TSPAN16: variants seen among roughly 807,000 people sequenced by gnomAD.
TSPAN16 encodes the protein tetraspanin-16.
In TSPAN16, 23 loss-of-function variants were observed where a neutral mutation model predicts 25.2. That is an observed-to-expected ratio of 0.91 (90% CI 0.66 to 1.29). The LOEUF (loss-of-function observed/expected upper bound fraction) is 1.29, where lower values mean the gene tolerates loss of function less well. Ranked by LOEUF, TSPAN16 falls within the 50% of genes most tolerant of loss-of-function variation. The pLI is 0.00. For missense variants in TSPAN16, 272 were observed against 299.9 expected (o/e 0.91, Z 0.69); for synonymous variants, 123 against 124.4 (o/e 0.99, Z 0.08).
intron 6 of TSPAN16, chr19:11,323,452 G>A (rs1216486089): frequency 6.6e-6 from 1 of 151,980 alleles, no homozygotes; most frequent in Non-Finnish European, 1.5e-5. Context: ...TTAGCCGGGT[G>A]TGGTGGCAGG....
chr19:11,298,945 T>C lies in TSPAN16; in HGVS notation c.341T>C (p.Ile114Thr), dbSNP rs1363433978. 1 of 1,613,816 alleles carries C rather than the reference T, an allele frequency of 6.2e-7. No homozygotes were observed. The highest frequency in any genetic ancestry group is 2.2e-5 in the East Asian group (1 of 44,858). Reference protein sequence around the residue: ...AATVVLLFFPIVGDVALEHTF... With the variant: ...AATVVLLFFPTVGDVALEHTF... ...ACAGTGGTCCTTCTTTTCTTTCCAA[T>C]TGTAAGTACAGCCCTGCTCCTCCCA... Residue 114 changes from isoleucine (I) to threonine (T), a missense_variant and splice_region_variant, in exon 3 of 7, where the codon ATT (isoleucine) becomes ACT (threonine). By Grantham distance (89) the Ile-to-Thr change is moderately conservative (BLOSUM62 -1). Coordinates refer to ENST00000590327, the MANE Select transcript of TSPAN16 (RefSeq NM_001282509.2).
intron 6 of TSPAN16, chr19:11,321,202 A>C (rs1023640571): frequency 6.6e-6 from 1 of 151,918 alleles, no homozygotes; most frequent in Non-Finnish European, 1.5e-5. Flanking sequence ...CCAAAAAAAC[A>C]TAAGAGGTTT....
intron 4 of TSPAN16, 80 bp from the exon 5 acceptor site, chr19:11,306,524 C>T (rs322151): frequency 0.26 from 399,169 of 1,535,990 alleles, 52,580 homozygotes; most frequent in Admixed American, 0.32. Flanking sequence ...CCATACTAGA[C>T]GGTAGCCATG....
intron 4 of TSPAN16, among the ~76,000 whole-genome samples, chr19:11,302,681 ACACACACAC>A (rs2080574863): frequency 8.1e-6 from 1 of 122,916 alleles, no homozygotes; most frequent in African/African-American, 3.7e-5. Context: ...ATATATATAC[ACACACACAC>A]ACACACACAC....
At chr19:11,302,680 C>CACACACATATATATATATATATATAT in intron 4 of TSPAN16, among the ~76,000 whole-genome samples, 2 of 122,284 alleles carry the variant, frequency 1.6e-5, no homozygotes, top group East Asian at 4.6e-4. Flanking sequence ...TATATATATA[C>CACACACATATATATATATATATATAT]ACACACACAC....
downstream of TSPAN16, among the ~76,000 whole-genome samples, chr19:11,317,576 C>G (rs2080755703): frequency 6.6e-6 from 1 of 151,666 alleles, no homozygotes; most frequent in Admixed American, 6.6e-5. Flanking sequence ...CTCACTGCAA[C>G]CTCAGCCTTC....
chr19:11,310,180 G>A (rs1190013781), intron 5 of TSPAN16, among the ~76,000 whole-genome samples: 1 of 152,004 alleles, frequency 6.6e-6, no homozygotes, highest in Non-Finnish European at 1.5e-5. Context: ...CAAGCCTCCA[G>A]AGGTGAGATG....
rs148577610 is a variant in TSPAN16, at chr19:11,296,202, G to A, written c.-96G>A. On this transcript the variant is annotated 5_prime_UTR_variant, in exon 1 of 7. Transcript: ENST00000590327. The stretch of plus-strand genomic sequence containing the variant: ...AGGGGCAGAGCAAGTCAGCATTGGC[G>A]CCCCTTCCTCAGATCCCTATCATCT... 18 of 1,323,752 alleles carry A rather than the reference G, an allele frequency of 1.4e-5. No homozygotes were observed. In the South Asian group the frequency reaches 1.4e-4, roughly 10 times the overall value. The allele number at this position is 1,323,752 out of a possible 1,614,324, so 82.0% of individuals were successfully genotyped here. A position where few individuals can be genotyped will look rare whatever the true frequency, so the allele number is the denominator to read the frequency against.
At chr19:11,317,641 T>C (rs896097733), downstream of TSPAN16, among the ~76,000 whole-genome samples, 6 of 151,510 alleles carry the variant, frequency 4.0e-5, no homozygotes, top group Non-Finnish European at 8.8e-5. Flanking sequence ...ATTACAGGCA[T>C]GTGCCACCAT....
downstream of TSPAN16, chr19:11,316,086 G>GGTGTGTGTGTGTGT (rs147500274): frequency 0.012 from 3,072 of 257,472 alleles, 164 homozygotes; most frequent in African/African-American, 0.086. Context: ...AATTATTCTT[G>GGTGTGTGTGTGTGT]GTGTGTGTGT....
chr19:11,308,561 C>G (rs978374465), intron 5 of TSPAN16, among the ~76,000 whole-genome samples: 1 of 151,964 alleles, frequency 6.6e-6, no homozygotes, highest in African/African-American at 2.4e-5. Context: ...AGCTCTGCCT[C>G]CCAGGTTCAT....
At chr19:11,301,072 T>A in intron 3 of TSPAN16, 129 bp from the exon 4 acceptor site, 1 of 707,658 alleles carries the variant, frequency 1.4e-6, no homozygotes, top group Non-Finnish European at 2.5e-6. Flanking sequence ...ACCCCTGAGC[T>A]GAGGGTAGGA....
chr19:11,297,955 T>G (rs1461332333), intron 1 of TSPAN16, among the ~76,000 whole-genome samples, 187 bp from the exon 2 acceptor site: 1 of 56,680 alleles, frequency 1.8e-5, no homozygotes, highest in Non-Finnish European at 3.1e-5. Context: ...CTACTGGCTA[T>G]TTTTTTTTTG....
downstream of TSPAN16, chr19:11,316,112 TGTGTGG>T: frequency 3.0e-6 from 1 of 330,108 alleles, no homozygotes; most frequent in African/African-American, 2.4e-5. Context: ...TGTGTGTGTG[TGTGTGG>T]TTTTTTTTTT....
intron 4 of TSPAN16, among the ~76,000 whole-genome samples, chr19:11,305,131 C>T (rs191019138): frequency 2.4e-4 from 37 of 152,230 alleles, no homozygotes; most frequent in South Asian, 8.3e-4. Flanking sequence ...TGTGATGGTA[C>T]AGAATGTCTC....
At chr19:11,321,036 G>GT (rs2080776159) in intron 6 of TSPAN16, among the ~76,000 whole-genome samples, 1 of 152,028 alleles carries the variant, frequency 6.6e-6, no homozygotes. Flanking sequence ...AGGCGTAGTG[G>GT]AGTGTGCCTG....
In TSPAN16 at chr19:11,298,257, T is replaced by C. The variant is rs1019388682; in HGVS notation, c.185T>C (p.Leu62Pro). The change falls in exon 2 of 7, where the codon CTG becomes CCG. Residue 62 changes from leucine (L) to proline (P), a missense_variant. Physicochemically the swap from Leu to Pro is moderately conservative, Grantham distance 98 (BLOSUM62 -3). Coordinates refer to ENST00000590327, the MANE Select transcript of TSPAN16 (RefSeq NM_001282509.2). ...CTCCTTCACGTTGGCAACCTGTGCC[T>C]GGTGATGGGATGCATCACGGTACTG... is the stretch of plus-strand genomic sequence containing the variant. Reference protein sequence around the residue: ...AYLLHVGNLCLVMGCITVLLG... With the variant: ...AYLLHVGNLCPVMGCITVLLG... 3 of 1,614,176 alleles carry C rather than the reference T, an allele frequency of 1.9e-6. No homozygotes were observed. The East Asian group carries it at 6.7e-5, about 36-fold the overall frequency.
At chr19:11,317,683 C>G (rs138518111), downstream of TSPAN16, among the ~76,000 whole-genome samples, 120 of 151,344 alleles carry the variant, frequency 7.9e-4, 1 homozygote, top group Non-Finnish European at 5.2e-4. Context: ...TTAGTAGAGA[C>G]GGGGTTTCAT....
Position 11,302,674 on chromosome 19 carries a change from TATATACACAC to T in TSPAN16, c.450+1368_450+1377del, listed in dbSNP as rs1294515088. ...ATATACACATACATATATATATATA[TATATACACAC>T]ACACACACACACACACACACACATA... On this transcript the variant is annotated intron_variant, in intron 4 of 6. Coordinates refer to ENST00000590327, the MANE Select transcript of TSPAN16 (RefSeq NM_001282509.2). Among the ~76,000 whole-genome samples the T allele has an allele frequency of 3.7e-4, 47 of 128,620 alleles. 1 individual carries two copies. The highest frequency in any genetic ancestry group is 1.8e-3 in the African/African-American group (46 of 24,954). 84.4% of individuals were successfully genotyped at this position (128,620 alleles called of 152,430 possible).
Sources: gnomAD v4.1 joint callset for allele counts (sites outside exome capture counted in the v4.1 genomes callset) on GRCh38, gnomAD v4.1.1 for gene constraint, MANE v1.5 for transcripts, NCBI Gene and HGNC (gene_info 2026-07-23, HGNC 2026-07-21) for gene names.